Variants in RFTN1 observed in about 807,000 individuals in gnomAD.
The protein encoded by RFTN1 is raftlin.
In RFTN1, 26 loss-of-function variants were observed where a neutral mutation model predicts 46.5. That is an observed-to-expected ratio of 0.56 (90% CI 0.41 to 0.78). The LOEUF is 0.78. RFTN1 is among the 30% of genes least tolerant of loss of function. RFTN1 has a pLI of 0.00. For missense variants in RFTN1, 693 were observed against 718.7 expected (o/e 0.96, Z 0.41); for synonymous variants, 261 against 284.2 (o/e 0.92, Z 0.82).
chr3:16,508,564 A>AT (rs2076847488), intron 1 of RFTN1, among the ~76,000 whole-genome samples: 1 of 152,210 alleles, frequency 6.6e-6, no homozygotes, highest in Admixed American at 6.5e-5. Flanking sequence ...TGCTGTACCA[A>AT]TTTTTTATGA....
At chr3:16,372,893 A>G (rs2073581843) in intron 5 of RFTN1, among the ~76,000 whole-genome samples, 1 of 152,222 alleles carries the variant, frequency 6.6e-6, no homozygotes, top group East Asian at 1.9e-4. Flanking sequence ...ATCAGCAGCA[A>G]TGAAATATTG....
At chr3:16,398,028 C>T (rs2074510376) in intron 4 of RFTN1, among the ~76,000 whole-genome samples, 1 of 151,922 alleles carries the variant, frequency 6.6e-6, no homozygotes, top group East Asian at 1.9e-4. Context: ...AGGTGGATCT[C>T]GAGGTCAGGA....
At position 16,353,865 on chromosome 3, in the gene RFTN1, G is replaced by A. The variant is rs2072250298; in HGVS notation, c.1146+4067C>T. On this transcript the variant is annotated intron_variant, in intron 7 of 9. Transcript: ENST00000334133. This position sits in a 1 kb window ranked among gnomAD's most constrained non-coding sequence, Gnocchi z 5.4. ...CAAACCCTCCCAGAACCTTGATCTT[G>A]GACTTTTCAGCCTCCAGAACTGAGA... Among the ~76,000 whole-genome samples the A allele has an allele frequency of 6.6e-6, 1 of 152,156 alleles. No homozygotes were observed. The highest frequency in any genetic ancestry group is 1.5e-5 in the Non-Finnish European group (1 of 68,030).
chr3:16,371,523 A>G (rs546184113), intron 5 of RFTN1, among the ~76,000 whole-genome samples: 18 of 152,374 alleles, frequency 1.2e-4, no homozygotes, highest in Admixed American at 4.6e-4. Flanking sequence ...TCATCCATCT[A>G]ACATCTAAAA....
Position 16,425,857 on chromosome 3 carries a change from T to A in RFTN1, c.332+7994A>T, listed in dbSNP as rs2075280385. 6.6e-6 allele frequency among the ~76,000 whole-genome samples: 1 copy of A among 151,836 alleles called. No individual in the cohort carries two copies. The highest frequency in any genetic ancestry group is 2.4e-5 in the African/African-American group (1 of 41,290). ...TGATGCTGGACAGCTCCTCAGGGGG[T>A]ACGGTGGCAGCCCGGAGAGCTAATC... On this transcript the variant is annotated intron_variant, in intron 3 of 9. Coordinates refer to ENST00000334133, the MANE Select transcript of RFTN1 (RefSeq NM_015150.2). The surrounding 1 kb of genome is among the most constrained non-coding windows in gnomAD (Gnocchi z 4.3).
At position 16,436,345 on chromosome 3, in the gene RFTN1, C is replaced by A. The variant is rs191878856; in HGVS notation, c.146-2308G>T. On this transcript the variant is annotated intron_variant, in intron 2 of 9. Transcript: ENST00000334133. ...TGACTTTGCATATAGTGGGTTTTGCCATGAAAAAAAAAATTTTTTTTTTTT... is the reference window on the plus strand; with the variant it reads ...TGACTTTGCATATAGTGGGTTTTGCAATGAAAAAAAAAATTTTTTTTTTTT... Among the ~76,000 whole-genome samples the A allele has an allele frequency of 3.8e-3, 547 of 145,536 alleles. 1 individual carries two copies. Among genetic ancestry groups the A allele is most frequent in the Non-Finnish European group, 6.1e-3 (403 of 66,322 alleles).
At position 16,316,905 on chromosome 3, in the gene RFTN1, G is replaced by C; in HGVS notation, c.1660C>G (p.His554Asp). 6.2e-7 allele frequency: 1 copy of C among 1,614,118 alleles called. No homozygotes were observed. Among genetic ancestry groups the C allele is most frequent in the Non-Finnish European group, 8.5e-7 (1 of 1,180,026 alleles). Reference sequence around the variant, plus strand: ...CTGGCATCCTCTCCAGGATTGGAGTGCCCAGTGCAAATCCCCACCAGGGCC... The same window carrying C: ...CTGGCATCCTCTCCAGGATTGGAGTCCCCAGTGCAAATCCCCACCAGGGCC... ...SRALVGICTG[H>D]SNPGEDARDG... is the part of the protein sequence containing the mutation. The change falls in exon 10 of 10, where the codon CAC becomes GAC. Residue 554 changes from histidine (H) to aspartate (D), a missense_variant. His to Asp is a moderately conservative substitution (Grantham distance 81). Coordinates refer to ENST00000334133, the MANE Select transcript of RFTN1 (RefSeq NM_015150.2). This position sits in a 1 kb window ranked among gnomAD's most constrained non-coding sequence, Gnocchi z 4.5.
chr3:16,363,495 G>A (rs1008615551), intron 6 of RFTN1, among the ~76,000 whole-genome samples: 15 of 152,204 alleles, frequency 9.9e-5, no homozygotes, highest in Non-Finnish European at 1.3e-4. Flanking sequence ...TTACAAGAAG[G>A]ATGTGGGAAA....
In RFTN1 at chr3:16,324,777, A is replaced by G. The variant is rs534248136; in HGVS notation, c.1251-1320T>C. On this transcript the variant is annotated intron_variant, in intron 8 of 9. Transcript: ENST00000334133. ...CTTAGCTGTTGTGAATAATGCTGCA[A>G]GGATCATGGAAATGCAGATCCCTCT... 2.0e-5 allele frequency among the ~76,000 whole-genome samples: 3 copies of G among 151,866 alleles called. No homozygotes were observed. In the South Asian group the frequency reaches 6.2e-4, roughly 32 times the overall value.
chr3:16,485,283 AG>A (rs1416506525), intron 2 of RFTN1, among the ~76,000 whole-genome samples: 1 of 152,266 alleles, frequency 6.6e-6, no homozygotes, highest in Non-Finnish European at 1.5e-5. Flanking sequence ...AGAAACAAAA[AG>A]GAATTAACTC....
chr3:16,326,872 A>G lies in RFTN1; in HGVS notation c.1151T>C (p.Val384Ala). 6.2e-7 allele frequency: 1 copy of G among 1,613,294 alleles called. No individual in the cohort carries two copies. The highest frequency in any genetic ancestry group is 8.5e-7 in the Non-Finnish European group (1 of 1,179,720). ...VVEQWTVLEGVEVQTDYVPLL... is the reference protein window; with the variant it reads ...VVEQWTVLEGAEVQTDYVPLL... ...GGGCACGTAGTCTGTCTGCACTTCG[A>G]CACCCTGGGGGAACAAGGCCAGCAT... Residue 384 changes from valine (V) to alanine (A), a missense_variant, in exon 8 of 10, where the codon GTC becomes GCC. Coordinates refer to ENST00000334133, the MANE Select transcript of RFTN1 (RefSeq NM_015150.2).
In RFTN1 at chr3:16,465,160, C is replaced by T. The variant is rs2076067584; in HGVS notation, c.145+28565G>A. On this transcript the variant is annotated intron_variant, in intron 2 of 9. Coordinates refer to ENST00000334133, the MANE Select transcript of RFTN1 (RefSeq NM_015150.2). This position sits in a 1 kb window ranked among gnomAD's most constrained non-coding sequence, Gnocchi z 5.1. The stretch of plus-strand genomic sequence containing the variant: ...AATATTTGGGGAATTTTGGCAGTCA[C>T]CTTGGAAATCTGCTAAAACAAATAA... 6.6e-6 allele frequency among the ~76,000 whole-genome samples: 1 copy of T among 151,352 alleles called. No individual in the cohort carries two copies. The highest frequency in any genetic ancestry group is 1.9e-4 in the East Asian group (1 of 5,174).
chr3:16,394,013 C>G (rs1024852799), intron 4 of RFTN1, among the ~76,000 whole-genome samples: 1 of 151,858 alleles, frequency 6.6e-6, no homozygotes, highest in Non-Finnish European at 1.5e-5. Context: ...ATAATTCCTA[C>G]AACATGGAAA....
At position 16,377,768 on chromosome 3, in the gene RFTN1, T is replaced by C. The variant is rs140922329; in HGVS notation, c.776A>G (p.Asp259Gly). 121 of 1,613,622 alleles carry C rather than the reference T, an allele frequency of 7.5e-5. No homozygotes were observed. The African/African-American group carries it at 1.4e-3, about 18-fold the overall frequency. Residue 259 changes from aspartate (D) to glycine (G), a missense_variant, in exon 5 of 10, where the codon GAT becomes GGT. Transcript: ENST00000334133. ...CTCCAAGGGGTTGCTCTCCGGTCCA[T>C]CCAGTGTCTTGCTCACCCCCTGTGG... ...LSPQGVSKTL[D>G]GPESNPLEVH... is the part of the protein sequence containing the mutation.
intron 3 of RFTN1, among the ~76,000 whole-genome samples, chr3:16,431,648 C>T (rs535812871): frequency 9.8e-5 from 15 of 152,302 alleles, no homozygotes; most frequent in South Asian, 4.1e-4. Context: ...TAAGGCCACT[C>T]GGATAATCTG....
rs1444667056 is a variant in RFTN1 at position 16,479,030 on chromosome 3, G to A, written c.145+14695C>T. On this transcript the variant is annotated intron_variant, in intron 2 of 9. Coordinates refer to ENST00000334133, the MANE Select transcript of RFTN1 (RefSeq NM_015150.2). The surrounding 1 kb of genome is among the most constrained non-coding windows in gnomAD (Gnocchi z 5.1). The stretch of plus-strand genomic sequence containing the variant: ...AGGCCGTGGATACCAGTAGGCAGGG[G>A]TCACTGGGGGCCATCTTGGCAGATG... Among the ~76,000 whole-genome samples the A allele has an allele frequency of 6.6e-6, 1 of 152,212 alleles. No individual in the cohort carries two copies. The highest frequency in any genetic ancestry group is 1.5e-5 in the Non-Finnish European group (1 of 68,034).
Position 16,481,335 on chromosome 3 carries a change from C to T in RFTN1, c.145+12390G>A, listed in dbSNP as rs965825208. Among the ~76,000 whole-genome samples, 15 of 152,140 alleles carry T rather than the reference C, an allele frequency of 9.9e-5. No homozygotes were observed. The highest frequency in any genetic ancestry group is 3.4e-4 in the African/African-American group (14 of 41,442). On this transcript the variant is annotated intron_variant, in intron 2 of 9. Transcript: ENST00000334133. This position sits in a 1 kb window ranked among gnomAD's most constrained non-coding sequence, Gnocchi z 5.1. ...ATTATCTCATTTATCTTTTGAAAAT[C>T]TCTTCAAACTGTAAGAGCATATTTA...
At chr3:16,430,534 A>C (rs533055074) in intron 3 of RFTN1, among the ~76,000 whole-genome samples, 2 of 152,316 alleles carry the variant, frequency 1.3e-5, no homozygotes, top group South Asian at 4.1e-4. Flanking sequence ...TATATTTTAC[A>C]ATGACTGCTT....
Position 16,451,737 on chromosome 3 carries a change from T to G in RFTN1, c.146-17700A>C, listed in dbSNP as rs2124907713. Among the ~76,000 whole-genome samples, 1 of 152,318 alleles carries G rather than the reference T, an allele frequency of 6.6e-6. No homozygotes were observed. The highest frequency in any genetic ancestry group is 2.4e-5 in the African/African-American group (1 of 41,576). ...ACAGCAAAACTACTAGCGTGATTTT[T>G]TTTTCCTTCCTCACAATTTCATAGA... On this transcript the variant is annotated intron_variant, in intron 2 of 9. Transcript: ENST00000334133. This position sits in a 1 kb window ranked among gnomAD's most constrained non-coding sequence, Gnocchi z 4.2.
Sources: gnomAD v4.1 joint callset for allele counts (sites outside exome capture counted in the v4.1 genomes callset) on GRCh38, gnomAD v4.1.1 for gene constraint, Gnocchi (gnomAD v3.1) non-coding constraint, MANE v1.5 for transcripts, NCBI Gene and HGNC (gene_info 2026-07-23, HGNC 2026-07-21) for gene names.